The following CTDSP1 variants were observed in gnomAD, a reference collection of about 807,000 sequenced individuals.
The protein encoded by CTDSP1 is carboxy-terminal domain RNA polymerase II polypeptide A small phosphatase 1.
In CTDSP1, 15 loss-of-function variants were observed where a neutral mutation model predicts 32.5. The observed-to-expected ratio is 0.46, with a 90% CI of 0.31 to 0.71. CTDSP1 has a LOEUF of 0.71. CTDSP1 is among the 30% of genes least tolerant of loss of function. The probability of loss-of-function intolerance (pLI) is 0.05; values close to 1 mark genes in which losing one functional copy is unlikely to be tolerated. For synonymous variants in CTDSP1, 185 were observed against 145.4 expected, an observed-to-expected ratio of 1.27 and a Z score of -1.96; for missense variants, 294 against 351.1, an observed-to-expected ratio of 0.84 and a Z score of 1.30.
At chr2:218,401,037 C>T (rs1697109593) in intron 1 of CTDSP1, 7 of 423,990 alleles carry the variant, frequency 1.7e-5, no homozygotes, top group South Asian at 1.2e-4. Flanking sequence ...GAGGTCTGGG[C>T]GGGGCAGGGC....
intron 5 of CTDSP1, 38 bp downstream of exon 5, chr2:218,403,165 C>T (rs183416148): frequency 1.2e-6 from 2 of 1,613,302 alleles, no homozygotes; most frequent in East Asian, 2.2e-5. Flanking sequence ...CCCTGCCCTC[C>T]TACCTACCTC....
At chr2:218,401,364 C>G (rs565656459) in intron 1 of CTDSP1, 200 bp from the exon 2 acceptor site, 6 of 610,944 alleles carry the variant, frequency 9.8e-6, no homozygotes, top group Middle Eastern at 4.2e-4. Flanking sequence ...ACCTATTTGT[C>G]TGGGAGCTGC....
chr2:218,397,181 G>C (rs1193208971), upstream of CTDSP1, among the ~76,000 whole-genome samples: 5 of 152,188 alleles, frequency 3.3e-5, no homozygotes, highest in African/African-American at 4.8e-5. Flanking sequence ...TGGTCAAGAA[G>C]ACACGGAGAC....
rs1697305954 is a variant in CTDSP1, at chr2:218,404,321, A to G, written c.682A>G (p.Asn228Asp). 1 of 1,614,156 alleles carries G rather than the reference A, an allele frequency of 6.2e-7. No individual in the cohort carries two copies. Among genetic ancestry groups the G allele is most frequent in the Non-Finnish European group, 8.5e-7 (1 of 1,180,020 alleles). ...NAVPVASWFD[N>D]MSDTELHDLL... ...GGTACCGGTGGCCTCGTGGTTTGACAACATGAGTGACACAGAGCTCCACGA... is the reference window on the plus strand; with the variant it reads ...GGTACCGGTGGCCTCGTGGTTTGACGACATGAGTGACACAGAGCTCCACGA... The change falls in exon 7 of 7, where the codon AAC becomes GAC. Residue 228 changes from asparagine (N) to aspartate (D), a missense_variant. Asn to Asp is a conservative substitution (Grantham distance 23). Transcript: ENST00000273062.
chr2:218,403,652 G>A (rs1445157915), intron 6 of CTDSP1: 5 of 435,254 alleles, frequency 1.1e-5, no homozygotes, highest in South Asian at 6.5e-5. Flanking sequence ...GGCCCCCACA[G>A]GGCAACGGAG....
At chr2:218,396,532 T>G (rs1357853925), upstream of CTDSP1, 3 of 152,402 alleles carry the variant, frequency 2.0e-5, no homozygotes, top group East Asian at 5.6e-4. Context: ...CGCTTGTTTA[T>G]GAGAAGAATT....
upstream of CTDSP1, chr2:218,398,306 G>C: frequency 1.0e-6 from 1 of 1,001,328 alleles, no homozygotes; most frequent in Admixed American, 2.1e-5. Context: ...TCTGTGAAAT[G>C]GGTTAAGAAG....
At chr2:218,402,908 A>C in intron 4 of CTDSP1, 127 bp from the exon 5 acceptor site, 1 of 720,252 alleles carries the variant, frequency 1.4e-6, no homozygotes, top group South Asian at 1.6e-5. Context: ...GTAGCTGGCC[A>C]AGCGGAGCCT....
chr2:218,400,540 C>CCCCCCA (rs902120350), intron 1 of CTDSP1: 34 of 375,860 alleles, frequency 9.0e-5, no homozygotes, highest in Admixed American at 4.4e-4. Context: ...CTCCGCCCCA[C>CCCCCCA]CCCCCACCCC....
chr2:218,402,969 G>A (rs763607465), intron 4 of CTDSP1, 66 bp from the exon 5 acceptor site: 15 of 1,243,934 alleles, frequency 1.2e-5, no homozygotes, highest in Non-Finnish European at 1.5e-5. Flanking sequence ...CCCATGCCCT[G>A]CCAGCCCTCG....
rs763554630 is a variant in CTDSP1, at chr2:218,401,603, G to A, written c.107G>A (p.Arg36Gln). The change falls in exon 2 of 7, where the codon CGG (arginine) becomes CAG (glutamine). Residue 36 changes from arginine (R) to glutamine (Q), a missense_variant. Arg to Gln is a conservative substitution (Grantham distance 43). This residue lies in a region of CTDSP1 where 148 missense variants were observed against 113.3 expected (regional missense o/e 1.31). Transcript: ENST00000273062. ...GCAGCTTCCCAGAAGCCCCGAAGCC[G>A]GGGCATCCTCCACTCACTCTTCTGC... ...KSAASQKPRS[R>Q]GILHSLFCCV... is the part of the protein sequence containing the mutation. The A allele has an allele frequency of 1.3e-5, 21 of 1,613,930 alleles. 1 individual carries two copies. The highest frequency in any genetic ancestry group is 4.5e-5 in the East Asian group (2 of 44,880).
intron 4 of CTDSP1, chr2:218,402,720 C>T (rs558698777): frequency 1.5e-5 from 11 of 757,294 alleles, no homozygotes; most frequent in East Asian, 2.5e-5. Flanking sequence ...GCTCGGGGAC[C>T]GGTGCCCTGC....
At chr2:218,398,533 A>C, upstream of CTDSP1, 1 of 1,292,148 alleles carries the variant, frequency 7.7e-7, no homozygotes, top group South Asian at 1.6e-5. Context: ...CAGCGCACGA[A>C]GCCGCCGCGC....
chr2:218,399,938 C>T lies in CTDSP1; in HGVS notation c.-153C>T, dbSNP rs966596518. 1 of 1,158,578 alleles carries T rather than the reference C, an allele frequency of 8.6e-7. No homozygotes were observed. The highest frequency in any genetic ancestry group is 1.1e-6 in the Non-Finnish European group (1 of 931,884). 71.8% of individuals were successfully genotyped at this position (1,158,578 alleles called of 1,614,324 possible). ...CTCCGCGCCCCCTCCCTCCCCCTCC[C>T]CCCTAGAACCTGGCTCCCCTCCCCT... On this transcript the variant is annotated 5_prime_UTR_variant, in exon 1 of 7. Coordinates refer to ENST00000273062, the MANE Select transcript of CTDSP1 (RefSeq NM_021198.3).
chr2:218,404,211 C>T (rs1427298443), intron 6 of CTDSP1, 86 bp from the exon 7 acceptor site: 3 of 1,518,062 alleles, frequency 2.0e-6, no homozygotes, highest in Non-Finnish European at 9.0e-7. Flanking sequence ...ACTGCATGAT[C>T]TGAGTAGTGG....
upstream of CTDSP1, chr2:218,399,814 A>C (rs1191719495): frequency 1.7e-6 from 2 of 1,157,620 alleles, no homozygotes; most frequent in African/African-American, 1.6e-5. Flanking sequence ...GGTCACGCCG[A>C]AGCCGTTGCC....
chr2:218,402,050 G>A (rs1229566717), intron 2 of CTDSP1, 61 bp from the exon 3 acceptor site: 4 of 1,163,366 alleles, frequency 3.4e-6, no homozygotes, highest in East Asian at 2.5e-5. Flanking sequence ...GGAGAAGCCT[G>A]CGTGGGAGGA....
intron 1 of CTDSP1, chr2:218,400,371 T>A (rs2579958): frequency 1.2e-5 from 8 of 673,370 alleles, no homozygotes; most frequent in Non-Finnish European, 2.1e-5. Context: ...GCGCTCCTGT[T>A]CGCTCGAGGT....
At chr2:218,401,328 T>TA (rs1697125705) in intron 1 of CTDSP1, 1 of 575,130 alleles carries the variant, frequency 1.7e-6, no homozygotes, top group South Asian at 2.1e-5. Context: ...ACGCACTCCC[T>TA]ATGTGGGCGC....
Sources: allele counts gnomAD v4.1 joint callset (sites outside exome capture counted in the v4.1 genomes callset), GRCh38; gene constraint gnomAD v4.1.1; regional missense constraint gnomAD v4.1.1; transcripts MANE v1.5; gene names NCBI Gene and HGNC (gene_info 2026-07-23, HGNC 2026-07-21).